RIC8B: variants seen among roughly 807,000 people sequenced by gnomAD.
RIC8B encodes the protein RIC8 guanine nucleotide exchange factor B.
In RIC8B, 16 loss-of-function variants were observed where a neutral mutation model predicts 57.5. That is an observed-to-expected ratio of 0.28 (90% CI 0.19 to 0.42). RIC8B has a LOEUF of 0.42. Among genes scored for constraint, RIC8B ranks in the 10% least tolerant of loss-of-function variants. The probability of loss-of-function intolerance (pLI) is 1.00; values close to 1 mark genes in which losing one functional copy is unlikely to be tolerated. For missense variants in RIC8B, 481 were observed against 677.0 expected (o/e 0.71, Z 3.21); for synonymous variants, 216 against 250.8 (o/e 0.86, Z 1.31).
chr12:106,797,842 A>T (rs1311432976), intron 2 of RIC8B: 1 of 455,880 alleles, frequency 2.2e-6, no homozygotes, highest in Non-Finnish European at 3.9e-6. Flanking sequence ...GAAAATAAAG[A>T]AGTTGGAGGC....
intron 2 of RIC8B, among the ~76,000 whole-genome samples, chr12:106,784,391 C>T (rs180704351): frequency 1.4e-4 from 21 of 152,322 alleles, no homozygotes; most frequent in African/African-American, 4.8e-4. Context: ...CAAAACTTAG[C>T]TTGAGGCAAG....
intron 2 of RIC8B, among the ~76,000 whole-genome samples, chr12:106,801,924 A>G (rs982650168): frequency 6.6e-6 from 1 of 152,174 alleles, no homozygotes; most frequent in Non-Finnish European, 1.5e-5. Flanking sequence ...TCCCCCCTAC[A>G]TACACGTGCT....
chr12:106,869,727 T>G (rs1950314126), intron 8 of RIC8B, among the ~76,000 whole-genome samples: 1 of 152,156 alleles, frequency 6.6e-6, no homozygotes, highest in South Asian at 2.1e-4. Flanking sequence ...ACACTTGAGC[T>G]CAGGAGTTTG....
intron 2 of RIC8B, among the ~76,000 whole-genome samples, chr12:106,800,025 G>T (rs1050791149): frequency 4.7e-4 from 71 of 152,108 alleles, no homozygotes; most frequent in Admixed American, 3.9e-4. Flanking sequence ...ATGTCACTGT[G>T]TGCTCACATA....
intron 2 of RIC8B, among the ~76,000 whole-genome samples, chr12:106,801,320 G>T (rs2044721416): frequency 6.6e-6 from 1 of 152,172 alleles, no homozygotes; most frequent in South Asian, 2.1e-4. Flanking sequence ...TCCTGTTAAT[G>T]AACTCTTGAT....
At chr12:106,802,065 C>G (rs2044756371) in intron 2 of RIC8B, among the ~76,000 whole-genome samples, 2 of 152,130 alleles carry the variant, frequency 1.3e-5, no homozygotes, top group Admixed American at 1.3e-4. Context: ...GTAGACATAA[C>G]CTTGAGAGGC....
rs777102730 is a variant in RIC8B, at chr12:106,825,733, C to A, written c.749C>A (p.Ser250Tyr). 4 of 1,612,574 alleles carry A rather than the reference C, an allele frequency of 2.5e-6. No homozygotes were observed. Among genetic ancestry groups the A allele is most frequent in the Non-Finnish European group, 3.4e-6 (4 of 1,178,794 alleles). ...CTTTTTTATTTGCCATAGAGTGATT[C>A]TCATCAGTTCCGTGTAATGGCAGCT... ...DSWKVHKESD[S>Y]HQFRVMAAVL... The change falls in exon 4 of 10, where the codon TCT (serine) becomes TAT (tyrosine). Residue 250 changes from serine to tyrosine, a missense_variant. Transcript: ENST00000392837.
In RIC8B at chr12:106,885,893, T is replaced by A. The variant is rs753486620; in HGVS notation, c.1572-11T>A. ...TACTTTTTTTTCTCTCTCTTTTATCTCTTTTTCTAGAGAGGAGTTGCTTAA... is the reference window on the plus strand; with the variant it reads ...TACTTTTTTTTCTCTCTCTTTTATCACTTTTTCTAGAGAGGAGTTGCTTAA... On this transcript the variant is annotated splice_polypyrimidine_tract_variant and intron_variant, in intron 9 of 9. Transcript: ENST00000392837. 2 of 1,575,606 alleles carry A rather than the reference T, an allele frequency of 1.3e-6. No individual in the cohort carries two copies. The highest frequency in any genetic ancestry group is 4.5e-5 in the East Asian group (2 of 44,700).
intron 8 of RIC8B, among the ~76,000 whole-genome samples, chr12:106,861,462 G>A (rs943926320): frequency 6.6e-6 from 1 of 152,014 alleles, no homozygotes; most frequent in African/African-American, 2.4e-5. Flanking sequence ...GGTCTGAGTA[G>A]GTAGTGTTAC....
intron 1 of RIC8B, among the ~76,000 whole-genome samples, chr12:106,782,811 T>G (rs1042721270): frequency 7.9e-5 from 12 of 152,228 alleles, no homozygotes; most frequent in Admixed American, 1.3e-4. Flanking sequence ...GTGATGATGA[T>G]ATCTTTAGTA....
In RIC8B at chr12:106,859,129, CA is replaced by C. The variant is rs1949828995; in HGVS notation, c.1307-1138del. Among the ~76,000 whole-genome samples the C allele has an allele frequency of 2.0e-5, 3 of 152,222 alleles. No individual in the cohort carries two copies. The South Asian group carries it at 6.2e-4, about 32-fold the overall frequency. On this transcript the variant is annotated intron_variant, in intron 7 of 9. Transcript: ENST00000392837. ...ATTGTATGTTATGTTGTGTTTCCTA[CA>C]GTTGCCTTTCAGATGACATTTTAAC...
At chr12:106,790,283 C>A (rs779265647) in intron 2 of RIC8B, among the ~76,000 whole-genome samples, 1 of 152,172 alleles carries the variant, frequency 6.6e-6, no homozygotes, top group Non-Finnish European at 1.5e-5. Flanking sequence ...CATCCAGTAC[C>A]TTGTTTTCTC....
At chr12:106,842,007 G>C (rs757316882) in intron 4 of RIC8B, among the ~76,000 whole-genome samples, 3 of 152,114 alleles carry the variant, frequency 2.0e-5, no homozygotes, top group Non-Finnish European at 4.4e-5. Flanking sequence ...TTAGAGACCT[G>C]ATGATAAGAA....
intron 9 of RIC8B, chr12:106,878,866 G>A (rs1192209865): frequency 2.7e-6 from 1 of 371,120 alleles, no homozygotes; most frequent in African/African-American, 2.2e-5. Context: ...AACAAAATAT[G>A]TTACATAAAA....
chr12:106,789,212 C>T (rs1161365040), intron 2 of RIC8B, among the ~76,000 whole-genome samples: 2 of 152,230 alleles, frequency 1.3e-5, no homozygotes, highest in Non-Finnish European at 2.9e-5. Context: ...CCATCTGAGA[C>T]CACCTCATCC....
At chr12:106,799,892 C>CTGTA (rs900331961) in intron 2 of RIC8B, among the ~76,000 whole-genome samples, 5 of 152,104 alleles carry the variant, frequency 3.3e-5, no homozygotes, top group Non-Finnish European at 7.3e-5. Flanking sequence ...ATACCGTAGA[C>CTGTA]TGTATGGCTT....
chr12:106,870,782 A>T (rs1225986424), intron 8 of RIC8B, 41 bp from the exon 9 acceptor site: 86 of 1,422,542 alleles, frequency 6.0e-5, no homozygotes, highest in Non-Finnish European at 7.6e-5. Flanking sequence ...GAAAGAGCAT[A>T]ATTTTAAAAC....
chr12:106,810,297 AAAAAAAAAG>A (rs1453139107), intron 2 of RIC8B, among the ~76,000 whole-genome samples: 3 of 151,184 alleles, frequency 2.0e-5, no homozygotes, highest in South Asian at 2.1e-4. Flanking sequence ...TGGTAAAAAA[AAAAAAAAAG>A]AAAGAAAAGA....
intron 3 of RIC8B, among the ~76,000 whole-genome samples, chr12:106,815,744 G>T (rs1312543765): frequency 6.6e-6 from 1 of 152,198 alleles, no homozygotes; most frequent in African/African-American, 2.4e-5. Flanking sequence ...GTCTGCTCAG[G>T]AGAGTAGAAG....
Sources: gnomAD v4.1 joint callset for allele counts (sites outside exome capture counted in the v4.1 genomes callset) on GRCh38, gnomAD v4.1.1 for gene constraint, MANE v1.5 for transcripts, NCBI Gene and HGNC (gene_info 2026-07-23, HGNC 2026-07-21) for gene names.